ANK3: variants seen among roughly 807,000 people sequenced by gnomAD.
ANK3 encodes the protein ankyrin 3, also known as ankyrin-3.
A neutral mutation model predicts 370.9 loss-of-function variants in ANK3; 57 were observed. The observed-to-expected ratio is 0.15, with a 90% CI of 0.12 to 0.19. ANK3 has a LOEUF of 0.19. Among genes scored for constraint, ANK3 ranks in the 10% least tolerant of loss-of-function variants. The pLI is 1.00. For missense variants in ANK3, 4,439 were observed against 5,302.1 expected (o/e 0.84, Z 5.06); for synonymous variants, 1,929 against 1,946.3 (o/e 0.99, Z 0.23).
chr10:60,604,182 C>A (rs1026579663), intron 2 of ANK3, among the ~76,000 whole-genome samples: 4 of 151,942 alleles, frequency 2.6e-5, no homozygotes, highest in Non-Finnish European at 4.4e-5. Context: ...AAAGAGTGCA[C>A]AATAAGTAAA....
chr10:60,031,744 G>A (rs564397168), intron 43 of ANK3, among the ~76,000 whole-genome samples: 2 of 152,202 alleles, frequency 1.3e-5, no homozygotes, highest in Admixed American at 6.5e-5. Context: ...GGTCACCTAG[G>A]ACAGCCTGGC....
At chr10:60,345,164 C>T (rs1226698885) in intron 1 of ANK3, among the ~76,000 whole-genome samples, 3 of 152,144 alleles carry the variant, frequency 2.0e-5, no homozygotes, top group African/African-American at 4.8e-5. Context: ...ATTCATGGTG[C>T]TATTTGTTTT....
At chr10:60,113,487 T>C (rs1346555889) in intron 26 of ANK3, among the ~76,000 whole-genome samples, 1 of 152,172 alleles carries the variant, frequency 6.6e-6, no homozygotes, top group East Asian at 1.9e-4. Flanking sequence ...GGCGGGCAGA[T>C]TGCTTAAGCT....
intron 2 of ANK3, among the ~76,000 whole-genome samples, chr10:60,425,015 CAG>C (rs1254343653): frequency 2.0e-5 from 3 of 151,736 alleles, no homozygotes; most frequent in East Asian, 1.9e-4. Context: ...AAGGAAGACA[CAG>C]AAAAAGGAAG....
At chr10:60,660,934 A>ACACACACACACACACACACACC (rs373156861) in intron 1 of ANK3, among the ~76,000 whole-genome samples, 84 of 151,852 alleles carry the variant, frequency 5.5e-4, no homozygotes, top group African/African-American at 1.2e-3. Flanking sequence ...ACACACACAC[A>ACACACACACACACACACACACC]CCCCACATCT....
intron 1 of ANK3, among the ~76,000 whole-genome samples, chr10:60,335,455 C>A (rs1476267502): frequency 1.3e-5 from 2 of 152,100 alleles, no homozygotes; most frequent in African/African-American, 4.8e-5. Flanking sequence ...TTCTCTTCTG[C>A]AAATGAGAAG....
At chr10:60,580,122 T>G (rs1162907011) in intron 2 of ANK3, among the ~76,000 whole-genome samples, 4 of 152,244 alleles carry the variant, frequency 2.6e-5, no homozygotes, top group Non-Finnish European at 5.9e-5. Flanking sequence ...ACTCTTCATA[T>G]TTCTTCACAT....
intron 28 of ANK3, among the ~76,000 whole-genome samples, chr10:60,101,783 T>C (rs557910684): frequency 2.6e-5 from 4 of 152,304 alleles, no homozygotes; most frequent in Non-Finnish European, 2.9e-5. Flanking sequence ...TCCCCCTTAT[T>C]TTGCAGCTAC....
At chr10:60,353,079 G>C (rs1358523016) in intron 1 of ANK3, among the ~76,000 whole-genome samples, 1 of 151,748 alleles carries the variant, frequency 6.6e-6, no homozygotes, top group Non-Finnish European at 1.5e-5. Context: ...CACCTCCCCA[G>C]CTCAGGCCAT....
intron 2 of ANK3, among the ~76,000 whole-genome samples, chr10:60,417,876 C>A (rs2063700708): frequency 6.6e-6 from 1 of 152,086 alleles, no homozygotes; most frequent in Non-Finnish European, 1.5e-5. Context: ...GATAATCACT[C>A]AAAATAAAAC....
chr10:60,217,869 C>A (rs1020979563), intron 8 of ANK3, among the ~76,000 whole-genome samples: 4 of 152,108 alleles, frequency 2.6e-5, no homozygotes, highest in African/African-American at 7.2e-5. Flanking sequence ...AAGTCTCCCA[C>A]TATTATGGTG....
At chr10:60,617,670 G>A (rs1383141994) in intron 1 of ANK3, among the ~76,000 whole-genome samples, 3 of 152,074 alleles carry the variant, frequency 2.0e-5, no homozygotes, top group African/African-American at 4.8e-5. Context: ...GTCAATTCTT[G>A]TGCTCACAGT....
intron 1 of ANK3, among the ~76,000 whole-genome samples, chr10:60,647,625 T>C (rs2078726400): frequency 6.6e-6 from 1 of 151,550 alleles, no homozygotes. Flanking sequence ...AAAACTTGCC[T>C]TGTGAAAAAG....
At chr10:60,641,252 A>C (rs1160699934) in intron 1 of ANK3, among the ~76,000 whole-genome samples, 75 of 149,502 alleles carry the variant, frequency 5.0e-4, no homozygotes, top group Non-Finnish European at 7.6e-4. Context: ...GCTACCAATG[A>C]CTTTCTTCAC....
chr10:60,658,231 AAT>A lies in ANK3; in HGVS notation c.58-43009_58-43008del, dbSNP rs982186185. Among the ~76,000 whole-genome samples, 193 of 151,286 alleles carry A rather than the reference AAT, an allele frequency of 1.3e-3. 1 individual carries two copies. Among genetic ancestry groups the A allele is most frequent in the African/African-American group, 4.3e-3 (177 of 41,210 alleles). On this transcript the variant is annotated intron_variant, in intron 1 of 43. Transcript: ENST00000373827. ...ATTTAGGTTTGCCTTTTAAAAAAAAAATGTCTCATCCTTTTTGTTCCTTTATT... is the reference window on the plus strand; with the variant it reads ...ATTTAGGTTTGCCTTTTAAAAAAAAAGTCTCATCCTTTTTGTTCCTTTATT...
intron 2 of ANK3, among the ~76,000 whole-genome samples, chr10:60,547,332 C>A (rs2076987831): frequency 6.6e-6 from 1 of 152,134 alleles, no homozygotes; most frequent in Non-Finnish European, 1.5e-5. Context: ...ACCTCATGAT[C>A]CACTCGCTTC....
chr10:60,070,755 C>G lies in ANK3; in HGVS notation c.10126G>C (p.Asp3376His). 4 of 1,614,194 alleles carry G rather than the reference C, an allele frequency of 2.5e-6. No homozygotes were observed. Among genetic ancestry groups the G allele is most frequent in the Non-Finnish European group, 3.4e-6 (4 of 1,180,024 alleles). The change falls in exon 37 of 44, where the codon GAT (aspartate) becomes CAT (histidine). Residue 3376 changes from aspartate to histidine, a missense_variant. By Grantham distance (81) the Asp-to-His change is moderately conservative. Coordinates refer to ENST00000280772, the MANE Select transcript of ANK3 (RefSeq NM_020987.5). The surrounding 1 kb of genome is among the most constrained non-coding windows in gnomAD (Gnocchi z 5.7). ...GKDNEFGLGLDSPQNEIAQNG... is the reference protein window; with the variant it reads ...GKDNEFGLGLHSPQNEIAQNG... ...TGGGCAATTTCATTCTGAGGTGAAT[C>G]AAGGCCAAGGCCAAATTCATTATCT...
In ANK3 at chr10:60,157,892, G is replaced by GAGAT. The variant is rs2095388178; in HGVS notation, c.2614+8698_2614+8699insATCT. On this transcript the variant is annotated intron_variant, in intron 23 of 43. Coordinates refer to ENST00000280772, the MANE Select transcript of ANK3 (RefSeq NM_020987.5). ...ACAGAGAGAGAGAGAGAAAAAGAGA[G>GAGAT]AGAGAGAGAGAGAGAGAGAGAGAGA... Among the ~76,000 whole-genome samples, 4 of 67,232 alleles carry GAGAT rather than the reference G, an allele frequency of 5.9e-5. No homozygotes were observed. In the South Asian group the frequency reaches 1.4e-3, roughly 24 times the overall value. 44.1% of individuals were successfully genotyped at this position (67,232 alleles called of 152,430 possible).
Position 60,070,919 on chromosome 10 carries a change from T to C in ANK3, c.9962A>G (p.Glu3321Gly), listed in dbSNP as rs140902380. ...GADVSDSSDD[E>G]SIYQPVPVKK... ...AACTGGGACTGGCTGATAAATAGAT[T>C]CGTCATCGCTTGAATCACTGACGTC... is the stretch of plus-strand genomic sequence containing the variant. Residue 3321 changes from glutamate (E) to glycine (G), a missense_variant, in exon 37 of 44, where the codon GAA becomes GGA. By Grantham distance (98) the Glu-to-Gly change is moderately conservative. Around this residue, in one of 13 missense-constraint regions of ANK3, gnomAD observed 1,601 missense variants for 1,731.7 expected, o/e 0.92. Transcript: ENST00000280772. The surrounding 1 kb of genome is among the most constrained non-coding windows in gnomAD (Gnocchi z 5.7). 2.6e-5 allele frequency: 42 copies of C among 1,613,956 alleles called. No homozygotes were observed. Among genetic ancestry groups the C allele is most frequent in the Non-Finnish European group, 3.4e-5 (40 of 1,179,992 alleles).
Sources: allele counts gnomAD v4.1 joint callset (sites outside exome capture counted in the v4.1 genomes callset), GRCh38; gene constraint gnomAD v4.1.1; regional missense constraint gnomAD v4.1.1; non-coding constraint Gnocchi (gnomAD v3.1); transcripts MANE v1.5; gene names NCBI Gene and HGNC (gene_info 2026-07-23, HGNC 2026-07-21).